SYNE1: variants seen among roughly 807,000 people sequenced by gnomAD.
The protein encoded by SYNE1 is nesprin-1.
In SYNE1, 616 loss-of-function variants were observed where a neutral mutation model predicts 1,111.0. The ratio of observed to expected loss-of-function variants is 0.55; its 90% CI spans 0.52 to 0.59. SYNE1 has a LOEUF of 0.59. SYNE1 is among the 20% of genes least tolerant of loss of function. The pLI, the probability that SYNE1 is intolerant of heterozygous loss-of-function variation, is 0.00. For missense variants in SYNE1, 10,006 were observed against 10,417.0 expected (o/e 0.96, Z 1.72); for synonymous variants, 3,855 against 3,825.8 (o/e 1.01, Z -0.28).
Position 152,254,984 on chromosome 6 carries a change from C to T in SYNE1, c.19366G>A (p.Asp6456Asn), listed in dbSNP as rs376421422. ...ENGDNRDVIE[D>N]TLGCLLGRLS... ...CTGCCCAAAAGACAACCCAAAGTAT[C>T]TTCAATAACATCTCGATTATCACCA... Residue 6456 changes from aspartate to asparagine, a missense_variant, in exon 104 of 146, where the codon GAT becomes AAT. Physicochemically the swap from Asp to Asn is conservative, Grantham distance 23. Coordinates refer to ENST00000367255, the MANE Select transcript of SYNE1 (RefSeq NM_182961.4). The T allele has an allele frequency of 3.8e-5, 62 of 1,613,848 alleles. No individual in the cohort carries two copies. The highest frequency in any genetic ancestry group is 5.2e-5 in the Non-Finnish European group (61 of 1,179,942).
intron 14 of SYNE1, among the ~76,000 whole-genome samples, chr6:152,474,152 T>G (rs1048247298): frequency 6.7e-6 from 1 of 150,322 alleles, no homozygotes; most frequent in Admixed American, 6.6e-5. Context: ...ACCATTGCAC[T>G]CCAGCCTGGG....
chr6:152,527,665 T>C (rs918591643), intron 4 of SYNE1, among the ~76,000 whole-genome samples: 8 of 152,186 alleles, frequency 5.3e-5, no homozygotes, highest in Admixed American at 1.3e-4. Context: ...GAGGAACAAG[T>C]TCATAAATGT....
chr6:152,436,310 C>CT lies in SYNE1; in HGVS notation c.4150-210dup, dbSNP rs539125056. ...TTGCTAACAGTTTTTTATTTTATTT[C>CT]TTTTTTTTTGAGATAGGGTCTTGCT... On this transcript the variant is annotated intron_variant, in intron 32 of 145. Coordinates refer to ENST00000367255, the MANE Select transcript of SYNE1 (RefSeq NM_182961.4). Among the ~76,000 whole-genome samples, 182 of 151,156 alleles carry CT rather than the reference C, an allele frequency of 1.2e-3. 1 individual carries two copies. Among genetic ancestry groups the CT allele is most frequent in the Middle Eastern group, 3.5e-3 (1 of 288 alleles).
At position 152,220,997 on chromosome 6, in the gene SYNE1, C is replaced by T. The variant is rs202121741; in HGVS notation, c.21706G>A (p.Ala7236Thr). The T allele has an allele frequency of 6.1e-5, 98 of 1,614,018 alleles. No individual in the cohort carries two copies. Among genetic ancestry groups the T allele is most frequent in the South Asian group, 1.6e-4 (15 of 91,088 alleles). ...EIAEQLQSSK[A>T]LLQLWQRYKD... Reference sequence around the variant, plus strand: ...TATCTTTGCCAAAGCTGAAGTAGGGCCTTGCTGGACTGTAGCTGCTCAGCA... The same window carrying T: ...TATCTTTGCCAAAGCTGAAGTAGGGTCTTGCTGGACTGTAGCTGCTCAGCA... Residue 7236 changes from alanine to threonine, a missense_variant, in exon 119 of 146, where the codon GCC (alanine) becomes ACC (threonine). By Grantham distance (58) the Ala-to-Thr change is moderately conservative. Transcript: ENST00000367255.
intron 65 of SYNE1, 82 bp from the exon 66 acceptor site, chr6:152,358,619 T>A: frequency 2.2e-6 from 3 of 1,382,936 alleles, no homozygotes; most frequent in Non-Finnish European, 3.1e-6. Flanking sequence ...CTTTTGTAAT[T>A]TTAGAAAAGT....
At chr6:152,399,868 G>C in intron 47 of SYNE1, 45 bp from the exon 48 acceptor site, 1 of 1,580,060 alleles carries the variant, frequency 6.3e-7, no homozygotes, top group South Asian at 1.1e-5. Flanking sequence ...TAACTTGAGA[G>C]AAATACTCCA....
intron 17 of SYNE1, 54 bp from the exon 18 acceptor site, chr6:152,465,514 AC>A: frequency 1.3e-6 from 2 of 1,521,556 alleles, no homozygotes; most frequent in South Asian, 2.3e-5. Context: ...AATCCTCTAC[AC>A]CTTTTTTTCT....
intron 69 of SYNE1, 126 bp downstream of exon 69, chr6:152,353,137 G>C (rs1175205290): frequency 7.8e-7 from 1 of 1,281,312 alleles, no homozygotes; most frequent in African/African-American, 1.5e-5. Context: ...CAAGTAAAAT[G>C]ATGAGCTCAG....
Position 152,323,655 on chromosome 6 carries a change from A to G in SYNE1, c.15740T>C (p.Leu5247Pro), listed in dbSNP as rs778733791. ...GTCGTGGTATTCAAGAAGAGTTAAG[A>G]GCTCTGCTTTCGATGCTTTCTCTGC... ...SSAEKASKAE[L>P]LTLLEYHDTF... is the part of the protein sequence containing the mutation. The change falls in exon 82 of 146, where the codon CTC becomes CCC. Residue 5247 changes from leucine to proline, a missense_variant. Leu to Pro is a moderately conservative substitution (Grantham distance 98). Transcript: ENST00000367255. 1.2e-6 allele frequency: 2 copies of G among 1,614,222 alleles called. No homozygotes were observed. Among genetic ancestry groups the G allele is most frequent in the Admixed American group, 3.3e-5 (2 of 60,026 alleles).
chr6:152,603,479 G>A lies in SYNE1; in HGVS notation c.67+24786C>T, dbSNP rs1473117713. Among the ~76,000 whole-genome samples, 3 of 152,088 alleles carry A rather than the reference G, an allele frequency of 2.0e-5. No individual in the cohort carries two copies. In the East Asian group the frequency reaches 5.8e-4, roughly 29 times the overall value. On this transcript the variant is annotated intron_variant, in intron 3 of 145. Transcript: ENST00000367255. ...CAAAGGAAATGAAGCCACATCTCCT[G>A]ACATAAGTTTCCTTTCAGAACTTCC...
At chr6:152,543,004 T>C (rs1595019144) in intron 3 of SYNE1, among the ~76,000 whole-genome samples, 1 of 152,226 alleles carries the variant, frequency 6.6e-6, no homozygotes, top group East Asian at 1.9e-4. Context: ...GCATAATATG[T>C]TAATGTTATA....
chr6:152,381,964 C>A (rs1283164531), intron 55 of SYNE1, among the ~76,000 whole-genome samples: 1 of 152,106 alleles, frequency 6.6e-6, no homozygotes, highest in African/African-American at 2.4e-5. Flanking sequence ...TTTAAAGTAA[C>A]CTCTAGACTG....
At chr6:152,434,582 A>G (rs1295505427) in intron 33 of SYNE1, 1 of 152,210 alleles carries the variant, frequency 6.6e-6, no homozygotes, top group African/African-American at 2.4e-5. Context: ...GTACATGAGC[A>G]CCCTAACTAC....
chr6:152,448,369 A>C (rs1333921006), intron 28 of SYNE1, among the ~76,000 whole-genome samples: 1 of 152,204 alleles, frequency 6.6e-6, no homozygotes, highest in Non-Finnish European at 1.5e-5. Flanking sequence ...GGGCTTTGCC[A>C]GGGCAAATGC....
intron 3 of SYNE1, among the ~76,000 whole-genome samples, chr6:152,589,552 T>C (rs759610993): frequency 2.6e-5 from 4 of 152,098 alleles, no homozygotes; most frequent in Non-Finnish European, 5.9e-5. Context: ...AATAGAACCA[T>C]ATGGGAACTT....
Position 152,148,849 on chromosome 6 carries a change from C to T in SYNE1, c.24643-471G>A, listed in dbSNP as rs569762122. Among the ~76,000 whole-genome samples, 5 of 152,250 alleles carry T rather than the reference C, an allele frequency of 3.3e-5. No homozygotes were observed. In the South Asian group the frequency reaches 8.3e-4, roughly 25 times the overall value. On this transcript the variant is annotated intron_variant, in intron 136 of 145. Transcript: ENST00000367255. The surrounding 1 kb of genome is among the most constrained non-coding windows in gnomAD (Gnocchi z 4.1). Reference sequence around the variant, plus strand: ...TACCATGCCCACCACACAACACCTACACACTGGCAAGGATCGGAAATAAGA... The same window carrying T: ...TACCATGCCCACCACACAACACCTATACACTGGCAAGGATCGGAAATAAGA...
In SYNE1 at chr6:152,395,619, T is replaced by C. The variant is rs753449219; in HGVS notation, c.7609A>G (p.Arg2537Gly). ...LNLWIHEMEE[R>G]FNTENLGESK... is the part of the protein sequence containing the mutation. ...TCTCCCAAGTTTTCCGTATTGAACC[T>C]TTCTTCCATTTCATGGATCCATAAG... Residue 2537 changes from arginine (R) to glycine (G), a missense_variant, in exon 51 of 146, where the codon AGG becomes GGG. By Grantham distance (125) the Arg-to-Gly change is moderately radical. Around this residue, in one of 7 missense-constraint regions of SYNE1, gnomAD observed 4,955 missense variants for 5,017.2 expected, o/e 0.99. Transcript: ENST00000367255. The C allele has an allele frequency of 6.2e-7, 1 of 1,614,184 alleles. No individual in the cohort carries two copies. Among genetic ancestry groups the C allele is most frequent in the African/African-American group, 1.3e-5 (1 of 75,062 alleles).
At chr6:152,245,078 T>C (rs2086784418) in intron 105 of SYNE1, among the ~76,000 whole-genome samples, 1 of 152,210 alleles carries the variant, frequency 6.6e-6, no homozygotes, top group Admixed American at 6.5e-5. Context: ...GGAGAGAGAT[T>C]CAGCGAGGCA....
intron 91 of SYNE1, among the ~76,000 whole-genome samples, chr6:152,302,448 A>T (rs1392790378): frequency 6.6e-6 from 1 of 152,214 alleles, no homozygotes; most frequent in Non-Finnish European, 1.5e-5. Flanking sequence ...CCTGCCATGG[A>T]AATTAGGTCA....
Sources: allele counts gnomAD v4.1 joint callset (sites outside exome capture counted in the v4.1 genomes callset), GRCh38; gene constraint gnomAD v4.1.1; regional missense constraint gnomAD v4.1.1; non-coding constraint Gnocchi (gnomAD v3.1); transcripts MANE v1.5; gene names NCBI Gene and HGNC (gene_info 2026-07-23, HGNC 2026-07-21).